Variants in FLNC observed in about 807,000 individuals in gnomAD.
FLNC encodes the protein filamin-C.
FLNC carries 91 observed loss-of-function variants against 254.3 expected under a neutral mutation model. That is an observed-to-expected ratio of 0.36 (90% CI 0.30 to 0.43). FLNC has a LOEUF of 0.43. FLNC is among the 20% of genes least tolerant of loss of function. FLNC has a pLI of 1.00. For missense variants in FLNC, 2,853 were observed against 3,802.6 expected (o/e 0.75, Z 6.57); for synonymous variants, 1,430 against 1,577.2 (o/e 0.91, Z 2.21).
In FLNC at chr7:128,842,596, C is replaced by T. The variant is rs1380984220; in HGVS notation, c.2287C>T (p.His763Tyr). The T allele has an allele frequency of 1.9e-6, 3 of 1,549,570 alleles. No individual in the cohort carries two copies. In the South Asian group the frequency reaches 3.6e-5, roughly 18 times the overall value. ...PFRVNVGEGS[H>Y]PERVKVYGPG... ...GCAGGTGAACGTGGGCGAGGGCAGC[C>T]ACCCCGAGCGGGTAAAGGTGTACGG... is the stretch of plus-strand genomic sequence containing the variant. The change falls in exon 15 of 48, where the codon CAC becomes TAC. Residue 763 changes from histidine to tyrosine, a missense_variant. Around this residue, in one of 10 missense-constraint regions of FLNC, gnomAD observed 1,573 missense variants for 1,883.5 expected, o/e 0.84. Coordinates refer to ENST00000325888, the MANE Select transcript of FLNC (RefSeq NM_001458.5). This position sits in a 1 kb window ranked among gnomAD's most constrained non-coding sequence, Gnocchi z 5.4.
Position 128,845,262 on chromosome 7 carries a change from G to A in FLNC, c.3790+7G>A, listed in dbSNP as rs534439574. On this transcript the variant is annotated splice_region_variant and intron_variant, in intron 21 of 47. Coordinates refer to ENST00000325888, the MANE Select transcript of FLNC (RefSeq NM_001458.5). ...CCTGGTGTTGAGCCACACGGTGAGT[G>A]GACAGGAGGAGCCAAGAAAGGTCAA... 13 of 1,608,950 alleles carry A rather than the reference G, an allele frequency of 8.1e-6. No homozygotes were observed. In the Admixed American group the frequency reaches 1.8e-4, roughly 23 times the overall value.
Position 128,842,832 on chromosome 7 carries a change from G to C in FLNC, c.2428G>C (p.Val810Leu), listed in dbSNP as rs763153223. Residue 810 changes from valine to leucine, a missense_variant, in exon 16 of 48, where the codon GTG (valine) becomes CTG (leucine). By Grantham distance (32) the Val-to-Leu change is conservative. Around this residue, in one of 10 missense-constraint regions of FLNC, gnomAD observed 1,573 missense variants for 1,883.5 expected, o/e 0.84. Coordinates refer to ENST00000325888, the MANE Select transcript of FLNC (RefSeq NM_001458.5). The surrounding 1 kb of genome is among the most constrained non-coding windows in gnomAD (Gnocchi z 5.4). ...CGGCATCAAGTGCGCCCCAGGCGTG[G>C]TGGGCCCTGCAGAGGCTGACATTGA... ...SIGIKCAPGV[V>L]GPAEADIDFD... 2 of 1,613,922 alleles carry C rather than the reference G, an allele frequency of 1.2e-6. No individual in the cohort carries two copies. The highest frequency in any genetic ancestry group is 1.7e-6 in the Non-Finnish European group (2 of 1,180,032).
chr7:128,856,968 G>C lies in FLNC; in HGVS notation c.7561+47G>C, dbSNP rs779338867. 6.2e-7 allele frequency: 1 copy of C among 1,603,524 alleles called. No homozygotes were observed. Among genetic ancestry groups the C allele is most frequent in the South Asian group, 1.1e-5 (1 of 90,910 alleles). ...ACAGGGTGACTTCTGGGGGTGCTTG[G>C]CCACTAGTCTGGTGCTGCTTTGCTC... On this transcript the variant is annotated intron_variant, in intron 45 of 47. Coordinates refer to ENST00000325888, the MANE Select transcript of FLNC (RefSeq NM_001458.5). The surrounding 1 kb of genome is among the most constrained non-coding windows in gnomAD (Gnocchi z 5.9).
In FLNC at chr7:128,842,110, GGTGTGGGGGCGGGAGTGCCA is replaced by G; in HGVS notation, c.2122-116_2122-97del. 9.6e-7 allele frequency: 1 copy of G among 1,044,178 alleles called. No individual in the cohort carries two copies. The highest frequency in any genetic ancestry group is 1.4e-5 in the South Asian group (1 of 70,920). The allele number at this position is 1,044,178 out of a possible 1,614,324, so 64.7% of individuals were successfully genotyped here. On this transcript the variant is annotated intron_variant, in intron 13 of 47. Coordinates refer to ENST00000325888, the MANE Select transcript of FLNC (RefSeq NM_001458.5). This position sits in a 1 kb window ranked among gnomAD's most constrained non-coding sequence, Gnocchi z 5.4. ...CTGGGCTCTGGTGGCCTCAGTGGCTGGTGTGGGGGCGGGAGTGCCAGTGTTGGGGGTGGGAAAGGAGGCGC... is the reference window on the plus strand; with the variant it reads ...CTGGGCTCTGGTGGCCTCAGTGGCTGGTGTTGGGGGTGGGAAAGGAGGCGC...
intron 5 of FLNC, 65 bp from the exon 6 acceptor site, chr7:128,837,922 G>A (rs1808164809): frequency 2.7e-6 from 4 of 1,472,690 alleles, no homozygotes; most frequent in Non-Finnish European, 3.8e-6. Context: ...GGTGCATAAG[G>A]CACTGTGGGG....
chr7:128,832,218 G>GC (rs976260756), intron 1 of FLNC, among the ~76,000 whole-genome samples: 8 of 151,700 alleles, frequency 5.3e-5, no homozygotes, highest in East Asian at 1.9e-4. Flanking sequence ...CCCCAATACT[G>GC]CCCCCCCACC....
In FLNC at chr7:128,841,014, G is replaced by A. The variant is rs1378129549; in HGVS notation, c.1813+44G>A. Reference sequence around the variant, plus strand: ...GGAGGAGGGAGTGCTGCGGGGGAGGGCAGCAGGGGACACTGTGGGTAATGG... The same window carrying A: ...GGAGGAGGGAGTGCTGCGGGGGAGGACAGCAGGGGACACTGTGGGTAATGG... On this transcript the variant is annotated intron_variant, in intron 11 of 47. Coordinates refer to ENST00000325888, the MANE Select transcript of FLNC (RefSeq NM_001458.5). This position sits in a 1 kb window ranked among gnomAD's most constrained non-coding sequence, Gnocchi z 4.3. The A allele has an allele frequency of 1.3e-6, 2 of 1,573,964 alleles. No individual in the cohort carries two copies. The highest frequency in any genetic ancestry group is 1.1e-5 in the South Asian group (1 of 87,956).
Position 128,846,345 on chromosome 7 carries a change from A to C in FLNC, c.4009A>C (p.Lys1337Gln), listed in dbSNP as rs1554399580. 1.9e-6 allele frequency: 3 copies of C among 1,613,728 alleles called. No homozygotes were observed. In the Middle Eastern group the frequency reaches 4.9e-4, roughly 266 times the overall value. The change falls in exon 23 of 48, where the codon AAG becomes CAG. Residue 1337 changes from lysine (K) to glutamine (Q), a missense_variant. This residue lies in a region of FLNC where 1,573 missense variants were observed against 1,883.5 expected (regional missense o/e 0.84). Coordinates refer to ENST00000325888, the MANE Select transcript of FLNC (RefSeq NM_001458.5). Reference sequence around the variant, plus strand: ...CCTGTATGATGAGGTCGCTGTGCCCAAGAGCCCCTTCCGAGTGGGCGTGAC... The same window carrying C: ...CCTGTATGATGAGGTCGCTGTGCCCCAGAGCCCCTTCCGAGTGGGCGTGAC... ...EVLYDEVAVP[K>Q]SPFRVGVTEG... is the part of the protein sequence containing the mutation.
rs1206320311 is a variant in FLNC, at chr7:128,842,526, G to A, written c.2266-49G>A. ...CTGGGCCGGGTGCGCTGGGCAGGAGGATGAGCCTTGAGGGAGGGCACCACG... is the reference window on the plus strand; with the variant it reads ...CTGGGCCGGGTGCGCTGGGCAGGAGAATGAGCCTTGAGGGAGGGCACCACG... On this transcript the variant is annotated intron_variant, in intron 14 of 47. Coordinates refer to ENST00000325888, the MANE Select transcript of FLNC (RefSeq NM_001458.5). The surrounding 1 kb of genome is among the most constrained non-coding windows in gnomAD (Gnocchi z 5.4). The A allele has an allele frequency of 1.3e-6, 2 of 1,549,110 alleles. No individual in the cohort carries two copies. Among genetic ancestry groups the A allele is most frequent in the African/African-American group, 1.4e-5 (1 of 73,216 alleles).
At position 128,844,778 on chromosome 7, in the gene FLNC, G is replaced by T. The variant is rs751887771; in HGVS notation, c.3313G>T (p.Ala1105Ser). The change falls in exon 21 of 48, where the codon GCC becomes TCC. Residue 1105 changes from alanine to serine, a missense_variant. By Grantham distance (99) the Ala-to-Ser change is moderately conservative (BLOSUM62 1). Coordinates refer to ENST00000325888, the MANE Select transcript of FLNC (RefSeq NM_001458.5). ...GCTGACCGTAGAGGGCCCCTGCGAG[G>T]CCAAGATCGAGTGCCAGGACAATGG... ...LGLTVEGPCE[A>S]KIECQDNGDG... The T allele has an allele frequency of 8.1e-6, 13 of 1,613,982 alleles. No homozygotes were observed. Among genetic ancestry groups the T allele is most frequent in the African/African-American group, 1.3e-5 (1 of 74,944 alleles).
rs755636271 is a variant in FLNC, at chr7:128,837,394, G to A, written c.700-4G>A. 4 of 1,614,034 alleles carry A rather than the reference G, an allele frequency of 2.5e-6. No homozygotes were observed. Among genetic ancestry groups the A allele is most frequent in the South Asian group, 2.2e-5 (2 of 91,086 alleles). ...CCATGTGACATCACTCCTTTCCATCGCAGGTCATTGCCCCTGAGGAGATTG... is the reference window on the plus strand; with the variant it reads ...CCATGTGACATCACTCCTTTCCATCACAGGTCATTGCCCCTGAGGAGATTG... On this transcript the variant is annotated splice_region_variant and splice_polypyrimidine_tract_variant and intron_variant, in intron 3 of 47. Coordinates refer to ENST00000325888, the MANE Select transcript of FLNC (RefSeq NM_001458.5).
chr7:128,858,607 C>A lies in FLNC; in HGVS notation c.*84C>A. On this transcript the variant is annotated 3_prime_UTR_variant, in exon 48 of 48. Coordinates refer to ENST00000325888, the MANE Select transcript of FLNC (RefSeq NM_001458.5). This position sits in a 1 kb window ranked among gnomAD's most constrained non-coding sequence, Gnocchi z 6.7. ...CACACACACACACACACAAATGTGCCACACCCAGACACGCACAGAATCAGA... is the reference window on the plus strand; with the variant it reads ...CACACACACACACACACAAATGTGCAACACCCAGACACGCACAGAATCAGA... 2.0e-6 allele frequency: 2 copies of A among 997,018 alleles called. No individual in the cohort carries two copies. The highest frequency in any genetic ancestry group is 1.9e-5 in the Admixed American group (1 of 53,564). 61.8% of individuals were successfully genotyped at this position (997,018 alleles called of 1,614,324 possible). A position where few individuals can be genotyped will look rare whatever the true frequency, so the allele number is the denominator to read the frequency against.
chr7:128,851,407 C>T (rs1185070244), intron 34 of FLNC, 47 bp downstream of exon 34: 2 of 1,613,968 alleles, frequency 1.2e-6, no homozygotes, highest in Non-Finnish European at 1.7e-6. Context: ...TCACCAGGGG[C>T]AGGGGTGAGG....
Position 128,844,167 on chromosome 7 carries a change from G to C in FLNC, c.3093G>C (p.Pro1031=). The change falls in exon 20 of 48, where the codon CCG becomes CCC. Residue 1031 remains proline (P), a synonymous_variant. Transcript: ENST00000325888. ...CCCAGGCTGTGCGCTACATGCCCCC[G>C]GAGGAGGGGCCCTACAAGGTGGATA... is the stretch of plus-strand genomic sequence containing the variant. ...AEAQAVRYMP[P]EEGPYKVDIT... 6.2e-7 allele frequency: 1 copy of C among 1,613,894 alleles called. No individual in the cohort carries two copies. Among genetic ancestry groups the C allele is most frequent in the Non-Finnish European group, 8.5e-7 (1 of 1,179,996 alleles).
intron 20 of FLNC, 64 bp downstream of exon 20, chr7:128,844,330 T>C (rs1384923473): frequency 5.9e-6 from 9 of 1,529,534 alleles, no homozygotes; most frequent in Non-Finnish European, 6.2e-6. Flanking sequence ...AGATGAGTCA[T>C]AGGGGGCAGA....
rs1327354850 is a variant in FLNC, at chr7:128,853,696, C to T, written c.6362-19C>T. ...CTGGGGCTCTGAGGTTCCTGACCCA[C>T]CCTTTGTCCCCACTTCAGGAAGCCC... On this transcript the variant is annotated intron_variant, in intron 38 of 47. Coordinates refer to ENST00000325888, the MANE Select transcript of FLNC (RefSeq NM_001458.5). The T allele has an allele frequency of 1.2e-6, 2 of 1,613,968 alleles. No homozygotes were observed. The highest frequency in any genetic ancestry group is 1.7e-6 in the Non-Finnish European group (2 of 1,180,048).
At chr7:128,832,168 T>G (rs1807918046) in intron 1 of FLNC, among the ~76,000 whole-genome samples, 1 of 152,128 alleles carries the variant, frequency 6.6e-6, no homozygotes, top group Non-Finnish European at 1.5e-5. Context: ...CAGGGCCCTT[T>G]GCCCCGTCCA....
At chr7:128,849,112 C>A in intron 28 of FLNC, 69 bp from the exon 29 acceptor site, 1 of 1,566,234 alleles carries the variant, frequency 6.4e-7, no homozygotes, top group East Asian at 2.3e-5. Flanking sequence ...CCCCTCCCTC[C>A]CTCACCCCCG....
At position 128,840,954 on chromosome 7, in the gene FLNC, C is replaced by T. The variant is rs773793586; in HGVS notation, c.1797C>T (p.Thr599=). Residue 599 remains threonine (T), a synonymous_variant, in exon 11 of 48, where the codon ACC becomes ACT. Transcript: ENST00000325888. ...ATTTTGTGGTGGAAGCCATTGGCAC[C>T]GAGGTGGGGACACTGGGTAAGTGGC... is the stretch of plus-strand genomic sequence containing the variant. ...SADFVVEAIG[T]EVGTLGFSIE... is the part of the protein sequence containing the mutation. 1.8e-5 allele frequency: 29 copies of T among 1,598,736 alleles called. No individual in the cohort carries two copies. Among genetic ancestry groups the T allele is most frequent in the East Asian group, 4.5e-5 (2 of 44,094 alleles).
Sources: allele counts gnomAD v4.1 joint callset (sites outside exome capture counted in the v4.1 genomes callset), GRCh38; gene constraint gnomAD v4.1.1; regional missense constraint gnomAD v4.1.1; non-coding constraint Gnocchi (gnomAD v3.1); transcripts MANE v1.5; gene names NCBI Gene and HGNC (gene_info 2026-07-23, HGNC 2026-07-21).